Variants in CACNA1C observed in about 807,000 individuals in gnomAD.
CACNA1C encodes the protein voltage-dependent L-type calcium channel subunit alpha-1C.
CACNA1C carries 30 observed loss-of-function variants against 229.0 expected under a neutral mutation model. The ratio of observed to expected loss-of-function variants is 0.13; its 90% confidence interval spans 0.10 to 0.18. The LOEUF is 0.18. CACNA1C is among the 10% of genes least tolerant of loss of function. CACNA1C has a pLI of 1.00. For missense variants in CACNA1C, 1,658 were observed against 2,845.0 expected, an observed-to-expected ratio of 0.58 and a Z score of 9.49; for synonymous variants, 1,114 against 1,132.5, an observed-to-expected ratio of 0.98 and a Z score of 0.33.
In CACNA1C at chr12:2,680,724, A is replaced by G. The variant is rs988919693; in HGVS notation, c.5444+928A>G. ...AGAGGGCCCATTTCAAGAGGGCTGC[A>G]TGCAAGCCCATGGGACTCAGGCATT... On this transcript the variant is annotated intron_variant, in intron 42 of 46. Transcript: ENST00000399655. The G allele has an allele frequency of 3.3e-5, 21 of 635,580 alleles. No individual in the cohort carries two copies. The African/African-American group carries it at 3.9e-4, about 12-fold the overall frequency. 39.4% of individuals were successfully genotyped at this position (635,580 alleles called of 1,614,324 possible).
intron 15 of CACNA1C, among the ~76,000 whole-genome samples, chr12:2,583,877 C>CG (rs1356251722): frequency 1.3e-5 from 2 of 152,154 alleles, no homozygotes; most frequent in Admixed American, 1.3e-4. Context: ...TGCCTGGGGC[C>CG]GGGGGTCAGA....
chr12:2,438,372 T>TGGTGATGGTGGTGGG (rs2099175365), intron 3 of CACNA1C, among the ~76,000 whole-genome samples: 1 of 145,750 alleles, frequency 6.9e-6, no homozygotes, highest in Non-Finnish European at 1.5e-5. Flanking sequence ...ATGGTGGTGG[T>TGGTGATGGTGGTGGG]GGTGATGGTG....
intron 3 of CACNA1C, among the ~76,000 whole-genome samples, chr12:2,444,593 A>G (rs1396284267): frequency 2.0e-5 from 3 of 152,040 alleles, no homozygotes; most frequent in Non-Finnish European, 4.4e-5. Flanking sequence ...TCTGATCCCC[A>G]ATATCTCCAC....
At chr12:2,538,137 G>C (rs1490450525) in intron 9 of CACNA1C, among the ~76,000 whole-genome samples, 1 of 152,210 alleles carries the variant, frequency 6.6e-6, no homozygotes, top group Non-Finnish European at 1.5e-5. Flanking sequence ...TATGGCTGCA[G>C]ATCAAGGGCA....
At chr12:2,144,510 C>T (rs535047229) in intron 3 of CACNA1C, among the ~76,000 whole-genome samples, 1 of 151,470 alleles carries the variant, frequency 6.6e-6, no homozygotes, top group South Asian at 2.1e-4. Context: ...ACAGTTCCTG[C>T]CTTCATAGGG....
intron 3 of CACNA1C, among the ~76,000 whole-genome samples, chr12:2,277,358 G>GAC (rs2088999806): frequency 3.3e-4 from 27 of 83,040 alleles, no homozygotes; most frequent in African/African-American, 7.7e-4. Context: ...CAGACAGACA[G>GAC]ACAGACACAC....
chr12:2,574,662 T>C (rs1461698788), intron 13 of CACNA1C, among the ~76,000 whole-genome samples: 2 of 152,208 alleles, frequency 1.3e-5, no homozygotes, highest in Non-Finnish European at 2.9e-5. Flanking sequence ...TGTCTCCATG[T>C]CCCTACCAGC....
chr12:2,224,576 G>C (rs894307177), intron 3 of CACNA1C, among the ~76,000 whole-genome samples: 1 of 152,196 alleles, frequency 6.6e-6, no homozygotes, highest in Non-Finnish European at 1.5e-5. Flanking sequence ...AGAATGGGGT[G>C]GTGGGTCCAG....
chr12:2,631,077 G>A (rs768902573), intron 29 of CACNA1C, among the ~76,000 whole-genome samples: 1 of 152,224 alleles, frequency 6.6e-6, no homozygotes, highest in Admixed American at 6.5e-5. Context: ...TGTGCCCGCT[G>A]ATTAACTGTG....
chr12:1,990,857 C>G (rs2017273), intron 1 of CACNA1C, among the ~76,000 whole-genome samples: 110,406 of 152,046 alleles, frequency 0.73, 40,617 homozygotes, highest in African/African-American at 0.85. Flanking sequence ...AGGTATCTGA[C>G]ACTCTGACAG....
intron 1 of CACNA1C, among the ~76,000 whole-genome samples, chr12:2,104,716 G>A (rs2077556186): frequency 6.6e-6 from 1 of 152,168 alleles, no homozygotes; most frequent in Non-Finnish European, 1.5e-5. Context: ...TAAAAAAGTT[G>A]AAATGCTGAT....
chr12:2,301,392 G>C (rs1031082348), intron 3 of CACNA1C, among the ~76,000 whole-genome samples: 15 of 152,182 alleles, frequency 9.9e-5, no homozygotes, highest in Non-Finnish European at 2.9e-5. Context: ...TTTGGGGCCA[G>C]CAGTTTAGCA....
intron 1 of CACNA1C, chr12:1,993,143 A>T: frequency 7.6e-7 from 1 of 1,312,124 alleles, no homozygotes; most frequent in Non-Finnish European, 1.1e-6. Context: ...ATTTGTTAAA[A>T]TGCTGACACC....
chr12:2,412,463 A>G (rs891241797), intron 3 of CACNA1C, among the ~76,000 whole-genome samples: 1 of 152,190 alleles, frequency 6.6e-6, no homozygotes, highest in Non-Finnish European at 1.5e-5. Flanking sequence ...GAGATAAGAG[A>G]TGCATAAGCT....
intron 3 of CACNA1C, among the ~76,000 whole-genome samples, chr12:2,135,545 G>C (rs993990994): frequency 7.6e-6 from 1 of 131,604 alleles, no homozygotes; most frequent in Admixed American, 7.4e-5. Flanking sequence ...CTCAGCTGCA[G>C]GTCTGTTGGA....
chr12:2,277,223 C>G (rs1013824042), intron 3 of CACNA1C, among the ~76,000 whole-genome samples: 1 of 152,036 alleles, frequency 6.6e-6, no homozygotes, highest in Admixed American at 6.5e-5. Context: ...TCAGGGGCCC[C>G]GTGAGCCATT....
In CACNA1C at chr12:2,172,032, A is replaced by G. The variant is rs1261808925; in HGVS notation, c.477+51602A>G. Among the ~76,000 whole-genome samples the G allele has an allele frequency of 2.0e-5, 3 of 152,180 alleles. No individual in the cohort carries two copies. The East Asian group carries it at 5.8e-4, about 29-fold the overall frequency. On this transcript the variant is annotated intron_variant, in intron 3 of 46. Coordinates refer to ENST00000399655, the MANE Select transcript of CACNA1C (RefSeq NM_000719.7). ...CCGAGCTGTGGGAGAGCGTGAATGC[A>G]GGGTTGTTCCTGCTTTGGACCGTGG... is the stretch of plus-strand genomic sequence containing the variant.
At chr12:2,406,608 T>G (rs2098739976) in intron 3 of CACNA1C, among the ~76,000 whole-genome samples, 1 of 152,244 alleles carries the variant, frequency 6.6e-6, no homozygotes, top group Non-Finnish European at 1.5e-5. Flanking sequence ...CATTTAGCCT[T>G]CTTTATGTCT....
At chr12:2,193,601 A>G (rs1446135267) in intron 3 of CACNA1C, among the ~76,000 whole-genome samples, 1 of 152,216 alleles carries the variant, frequency 6.6e-6, no homozygotes, top group East Asian at 1.9e-4. Context: ...TGAATTGAGC[A>G]AGGGCCTTGG....
Sources: gnomAD v4.1 joint callset for allele counts (sites outside exome capture counted in the v4.1 genomes callset) on GRCh38, gnomAD v4.1.1 for gene constraint, MANE v1.5 for transcripts, NCBI Gene and HGNC (gene_info 2026-07-23, HGNC 2026-07-21) for gene names.